The following PAM variants were observed in gnomAD, a reference collection of about 807,000 sequenced individuals.
PAM encodes the protein peptidyl-glycine alpha-amidating monooxygenase.
A neutral mutation model predicts 122.1 loss-of-function variants in PAM; 72 were observed. The ratio of observed to expected loss-of-function variants is 0.59; its 90% confidence interval spans 0.49 to 0.72. The LOEUF is 0.72. Ranked by LOEUF, PAM falls within the 30% of genes least tolerant of loss-of-function variation. The pLI is 0.00. For synonymous variants in PAM, 389 were observed against 404.4 expected, an observed-to-expected ratio of 0.96 and a Z score of 0.46; for missense variants, 1,106 against 1,183.7, an observed-to-expected ratio of 0.93 and a Z score of 0.96.
intron 3 of PAM, among the ~76,000 whole-genome samples, chr5:102,867,935 A>G (rs1048895532): frequency 1.2e-4 from 19 of 152,248 alleles, no homozygotes; most frequent in African/African-American, 4.6e-4. Flanking sequence ...TAAGAGATGT[A>G]TTTTGAAATA....
At chr5:102,982,908 A>G (rs556011010) in intron 15 of PAM, among the ~76,000 whole-genome samples, 22 of 152,162 alleles carry the variant, frequency 1.4e-4, no homozygotes, top group Non-Finnish European at 3.2e-4. Context: ...AGAATTCAAC[A>G]TAATGATATT....
intron 4 of PAM, among the ~76,000 whole-genome samples, chr5:102,907,975 A>C (rs1219708001): frequency 7.2e-5 from 11 of 151,740 alleles, no homozygotes; most frequent in African/African-American, 1.7e-4. Flanking sequence ...TCTTTAGTTT[A>C]ATTAGATCCC....
intron 16 of PAM, among the ~76,000 whole-genome samples, chr5:102,998,974 G>T (rs1004120868): frequency 2.0e-5 from 3 of 152,164 alleles, no homozygotes; most frequent in Admixed American, 6.6e-5. Context: ...AGCATGGCTG[G>T]TGAAGCCTCA....
At chr5:102,774,541 C>A (rs258144) in intron 1 of PAM, among the ~76,000 whole-genome samples, 67,776 of 151,902 alleles carry the variant, frequency 0.45, 15,548 homozygotes, top group African/African-American at 0.55. Flanking sequence ...AGCAGACATA[C>A]AACAGTAAAA....
At chr5:102,828,529 GCT>G (rs1307553686) in intron 1 of PAM, among the ~76,000 whole-genome samples, 2 of 152,080 alleles carry the variant, frequency 1.3e-5, no homozygotes, top group African/African-American at 2.4e-5. Context: ...TGCTATCTGT[GCT>G]CTGATTGGCC....
chr5:102,982,844 A>G (rs1037157688), intron 15 of PAM, among the ~76,000 whole-genome samples: 3 of 152,186 alleles, frequency 2.0e-5, no homozygotes, highest in African/African-American at 4.8e-5. Flanking sequence ...ATGGAACACA[A>G]TAATTCTTCA....
intron 23 of PAM, among the ~76,000 whole-genome samples, chr5:103,023,471 A>G (rs976840124): frequency 1.3e-5 from 2 of 151,860 alleles, no homozygotes; most frequent in Non-Finnish European, 2.9e-5. Flanking sequence ...AAGCTTAAAT[A>G]TAGAGCAATT....
At chr5:103,021,904 C>T (rs970516739) in intron 23 of PAM, among the ~76,000 whole-genome samples, 2 of 152,076 alleles carry the variant, frequency 1.3e-5, no homozygotes, top group East Asian at 3.9e-4. Flanking sequence ...TTTGATAACA[C>T]TTATCCCTAC....
chr5:102,758,866 A>G (rs1469409931), intron 1 of PAM, among the ~76,000 whole-genome samples: 1 of 152,190 alleles, frequency 6.6e-6, no homozygotes, highest in Non-Finnish European at 1.5e-5. Flanking sequence ...TCAGTGGTCC[A>G]CATTTTAAAA....
intron 5 of PAM, among the ~76,000 whole-genome samples, chr5:102,918,335 A>G (rs1215461812): frequency 6.6e-6 from 1 of 152,126 alleles, no homozygotes; most frequent in Non-Finnish European, 1.5e-5. Context: ...TGCTCTATAG[A>G]CTTAATTCAA....
chr5:102,966,021 A>C (rs1336917655), intron 14 of PAM, among the ~76,000 whole-genome samples: 1 of 152,068 alleles, frequency 6.6e-6, no homozygotes. Flanking sequence ...TGTTCAAAAT[A>C]GGGCATTCCT....
chr5:102,833,912 T>C (rs1776184480), intron 1 of PAM, among the ~76,000 whole-genome samples: 1 of 152,152 alleles, frequency 6.6e-6, no homozygotes, highest in African/African-American at 2.4e-5. Flanking sequence ...ACAAACATTA[T>C]GTGTTTGTGG....
intron 1 of PAM, among the ~76,000 whole-genome samples, chr5:102,772,426 CTG>C (rs1302345827): frequency 6.6e-6 from 1 of 152,062 alleles, no homozygotes; most frequent in Non-Finnish European, 1.5e-5. Flanking sequence ...TTCTTGCCCT[CTG>C]TGGTTCTCTA....
chr5:102,828,171 T>C (rs1245538390), intron 1 of PAM, among the ~76,000 whole-genome samples: 2 of 151,782 alleles, frequency 1.3e-5, no homozygotes, highest in African/African-American at 4.8e-5. Context: ...AGACCCTCTG[T>C]CTACTACAAA....
At position 102,876,731 on chromosome 5, in the gene PAM, G is replaced by A. The variant is rs565641319; in HGVS notation, c.210+9338G>A. On this transcript the variant is annotated intron_variant, in intron 3 of 25. Transcript: ENST00000438793. The stretch of plus-strand genomic sequence containing the variant: ...ACAAAAGGTTAGTTGGCGTAAACCC[G>A]ATGGGGCCAGCTGTGTTTGCTAGCT... Among the ~76,000 whole-genome samples the A allele has an allele frequency of 6.5e-4, 99 of 152,332 alleles. 1 individual carries two copies. The highest frequency in any genetic ancestry group is 2.3e-3 in the African/African-American group (96 of 41,568).
At chr5:102,793,012 G>T (rs185624186) in intron 1 of PAM, among the ~76,000 whole-genome samples, 3 of 152,196 alleles carry the variant, frequency 2.0e-5, no homozygotes, top group Admixed American at 2.0e-4. Flanking sequence ...TTGGCATCAT[G>T]GTTGGTTATG....
chr5:102,918,291 C>T (rs543714928), intron 5 of PAM, among the ~76,000 whole-genome samples: 71 of 152,200 alleles, frequency 4.7e-4, no homozygotes, highest in Middle Eastern at 6.8e-3. Context: ...TTAGAGCAAG[C>T]ATATCAATGG....
chr5:103,007,056 T>TG, intron 19 of PAM, 45 bp downstream of exon 19: 1 of 1,378,520 alleles, frequency 7.3e-7, no homozygotes, highest in Non-Finnish European at 1.0e-6. Context: ...TCTTAGCCAG[T>TG]ATCACTGGGA....
At chr5:102,924,191 G>T (rs1437736337) in intron 5 of PAM, among the ~76,000 whole-genome samples, 1 of 152,014 alleles carries the variant, frequency 6.6e-6, no homozygotes, top group African/African-American at 2.4e-5. Flanking sequence ...CAGCACTTTG[G>T]GAGGCTGAGG....
Sources: gnomAD v4.1 joint callset for allele counts (sites outside exome capture counted in the v4.1 genomes callset) on GRCh38, gnomAD v4.1.1 for gene constraint, MANE v1.5 for transcripts, NCBI Gene and HGNC (gene_info 2026-07-23, HGNC 2026-07-21) for gene names.